Variants in C8orf34 observed in about 807,000 individuals in gnomAD.
C8orf34 encodes the protein uncharacterized protein C8orf34.
C8orf34 carries 65 observed loss-of-function variants against 68.3 expected under a neutral mutation model. The observed-to-expected ratio is 0.95, with a 90% confidence interval of 0.78 to 1.17. The LOEUF (loss-of-function observed/expected upper bound fraction) is 1.17, where lower values mean the gene tolerates loss of function less well. Among genes scored for constraint, C8orf34 ranks in the 50% most tolerant of loss-of-function variants. The pLI, the probability that C8orf34 is intolerant of heterozygous loss-of-function variation, is 0.00. For missense variants in C8orf34, 664 were observed against 655.4 expected, an observed-to-expected ratio of 1.01 and a Z score of -0.14; for synonymous variants, 244 against 241.2, an observed-to-expected ratio of 1.01 and a Z score of -0.11.
At chr8:68,478,258 C>T (rs1812709671) in intron 4 of C8orf34, among the ~76,000 whole-genome samples, 1 of 152,138 alleles carries the variant, frequency 6.6e-6, no homozygotes, top group Non-Finnish European at 1.5e-5. Flanking sequence ...CCTAGAGATG[C>T]CATCAGTCTC....
At chr8:68,584,204 T>C (rs1265979554) in intron 7 of C8orf34, among the ~76,000 whole-genome samples, 2 of 152,110 alleles carry the variant, frequency 1.3e-5, no homozygotes, top group Non-Finnish European at 2.9e-5. Flanking sequence ...GTCCCTAACT[T>C]TGAAATGGTA....
intron 8 of C8orf34, among the ~76,000 whole-genome samples, chr8:68,682,904 T>A (rs774734898): frequency 2.6e-5 from 4 of 152,134 alleles, no homozygotes; most frequent in Non-Finnish European, 5.9e-5. Context: ...GATTGAGTTT[T>A]TAGGAGGAAA....
At chr8:68,580,441 A>G (rs2130341862) in intron 7 of C8orf34, among the ~76,000 whole-genome samples, 1 of 152,172 alleles carries the variant, frequency 6.6e-6, no homozygotes, top group South Asian at 2.1e-4. Flanking sequence ...GGGTTTTTTA[A>G]CTTAATTGGA....
At chr8:68,666,014 T>G (rs1819829118) in intron 8 of C8orf34, among the ~76,000 whole-genome samples, 1 of 152,216 alleles carries the variant, frequency 6.6e-6, no homozygotes, top group Non-Finnish European at 1.5e-5. Context: ...AAATTAAAAA[T>G]TTAAAAATTA....
At chr8:68,458,822 T>C (rs1173201778) in intron 3 of C8orf34, among the ~76,000 whole-genome samples, 2 of 152,226 alleles carry the variant, frequency 1.3e-5, no homozygotes, top group African/African-American at 4.8e-5. Flanking sequence ...CTGATATCCC[T>C]GTCCCAGGTT....
intron 1 of C8orf34, among the ~76,000 whole-genome samples, chr8:68,352,332 C>T (rs1160923737): frequency 6.6e-6 from 1 of 152,026 alleles, no homozygotes; most frequent in African/African-American, 2.4e-5. Context: ...GACGTGAAAA[C>T]TATGTCTGAT....
At chr8:68,719,909 T>TATAA (rs1821621211) in intron 9 of C8orf34, among the ~76,000 whole-genome samples, 1 of 152,066 alleles carries the variant, frequency 6.6e-6, no homozygotes, top group Non-Finnish European at 1.5e-5. Context: ...TATAGTAGCA[T>TATAA]TTGCTCACAG....
intron 3 of C8orf34, among the ~76,000 whole-genome samples, chr8:68,463,266 C>G (rs1353242317): frequency 6.6e-6 from 1 of 152,068 alleles, no homozygotes. Flanking sequence ...CTGAATAGAC[C>G]AATAACAGGC....
At chr8:68,680,245 G>C (rs780315049) in intron 8 of C8orf34, among the ~76,000 whole-genome samples, 1 of 152,030 alleles carries the variant, frequency 6.6e-6, no homozygotes, top group Non-Finnish European at 1.5e-5. Flanking sequence ...TCTAATAATG[G>C]GGCAAAAGAT....
intron 6 of C8orf34, among the ~76,000 whole-genome samples, chr8:68,525,303 A>T (rs1323032021): frequency 6.6e-6 from 1 of 152,234 alleles, no homozygotes; most frequent in Non-Finnish European, 1.5e-5. Flanking sequence ...ATAATCTAAC[A>T]TGGAAATTTT....
At chr8:68,716,541 A>G (rs1821477822) in intron 9 of C8orf34, among the ~76,000 whole-genome samples, 1 of 152,120 alleles carries the variant, frequency 6.6e-6, no homozygotes, top group African/African-American at 2.4e-5. Context: ...AAATACTTAA[A>G]TTATCTTAGT....
At chr8:68,487,765 G>A (rs1315913523) in intron 4 of C8orf34, among the ~76,000 whole-genome samples, 3 of 152,168 alleles carry the variant, frequency 2.0e-5, no homozygotes, top group Non-Finnish European at 4.4e-5. Context: ...TTAACCACCT[G>A]CAAGGAATAT....
At chr8:68,807,824 T>G (rs367654386) in intron 12 of C8orf34, among the ~76,000 whole-genome samples, 4 of 152,290 alleles carry the variant, frequency 2.6e-5, no homozygotes, top group African/African-American at 9.6e-5. Flanking sequence ...TTGAATTAAA[T>G]AAAAAAGAAA....
intron 7 of C8orf34, among the ~76,000 whole-genome samples, chr8:68,599,163 T>A (rs1479909216): frequency 1.3e-5 from 2 of 152,050 alleles, no homozygotes; most frequent in Non-Finnish European, 2.9e-5. Flanking sequence ...ATAAAATACT[T>A]AGAAATAAAT....
chr8:68,762,866 G>A (rs1047295329), intron 10 of C8orf34, among the ~76,000 whole-genome samples: 1 of 152,122 alleles, frequency 6.6e-6, no homozygotes. Flanking sequence ...AGTCCCCAAA[G>A]GGGCAAGGGT....
At chr8:68,696,753 T>A (rs900199578) in intron 8 of C8orf34, among the ~76,000 whole-genome samples, 1 of 152,128 alleles carries the variant, frequency 6.6e-6, no homozygotes, top group African/African-American at 2.4e-5. Flanking sequence ...TTCTTAGCTG[T>A]AATTGCTTTG....
At chr8:68,613,275 A>T (rs527511827) in intron 7 of C8orf34, among the ~76,000 whole-genome samples, 1 of 152,056 alleles carries the variant, frequency 6.6e-6, no homozygotes, top group Admixed American at 6.6e-5. Flanking sequence ...AATATCTTTT[A>T]TTTTATGCCT....
intron 11 of C8orf34, among the ~76,000 whole-genome samples, chr8:68,778,028 C>A (rs1194679496): frequency 6.6e-6 from 1 of 152,102 alleles, no homozygotes; most frequent in African/African-American, 2.4e-5. Context: ...CAACAGATGA[C>A]CATTCTTTAC....
At chr8:68,728,398 C>G (rs1373630774) in intron 10 of C8orf34, among the ~76,000 whole-genome samples, 2 of 152,170 alleles carry the variant, frequency 1.3e-5, no homozygotes, top group African/African-American at 4.8e-5. Flanking sequence ...CTTCTGAGCC[C>G]TTCAAACTGT....
Sources: gnomAD v4.1 joint callset for allele counts (sites outside exome capture counted in the v4.1 genomes callset) on GRCh38, gnomAD v4.1.1 for gene constraint, MANE v1.5 for transcripts, NCBI Gene and HGNC (gene_info 2026-07-23, HGNC 2026-07-21) for gene names.